Variants in EXOC4 observed in about 807,000 individuals in gnomAD.
EXOC4 encodes exocyst complex component 4, also known as SEC8-like 1.
In EXOC4, 71 loss-of-function variants were observed where a neutral mutation model predicts 107.2. The observed-to-expected ratio is 0.66, with a 90% CI of 0.55 to 0.81. The LOEUF (loss-of-function observed/expected upper bound fraction) is 0.81. EXOC4 is among the 30% of genes least tolerant of loss of function. The probability of loss-of-function intolerance (pLI) is 0.00; values close to 1 mark genes in which losing one functional copy is unlikely to be tolerated. For missense variants in EXOC4, 1,108 were observed against 1,189.6 expected (o/e 0.93, Z 1.01); for synonymous variants, 456 against 441.2 (o/e 1.03, Z -0.42).
intron 4 of EXOC4, among the ~76,000 whole-genome samples, chr7:133,312,234 T>C (rs1413697887): frequency 6.6e-6 from 1 of 152,186 alleles, no homozygotes; most frequent in Non-Finnish European, 1.5e-5. Flanking sequence ...TGTGCTGATA[T>C]AGAAAGGTTT....
chr7:133,790,118 A>G (rs889947706), intron 10 of EXOC4, among the ~76,000 whole-genome samples: 1 of 152,226 alleles, frequency 6.6e-6, no homozygotes, highest in Non-Finnish European at 1.5e-5. Context: ...CCCAGCAGAA[A>G]TAAGTCAGCC....
At chr7:133,302,093 T>C (rs1235251323) in intron 3 of EXOC4, among the ~76,000 whole-genome samples, 1 of 152,212 alleles carries the variant, frequency 6.6e-6, no homozygotes, top group Admixed American at 6.5e-5. Flanking sequence ...GCAAATTTTT[T>C]TGAATTCTTG....
chr7:133,281,333 A>G (rs1346510933), intron 2 of EXOC4, among the ~76,000 whole-genome samples: 6 of 150,764 alleles, frequency 4.0e-5, no homozygotes, highest in African/African-American at 1.2e-4. Flanking sequence ...AATAAAATAC[A>G]TAATAAAAAT....
chr7:133,801,661 A>G (rs1411840065), intron 10 of EXOC4, among the ~76,000 whole-genome samples: 2 of 152,204 alleles, frequency 1.3e-5, no homozygotes. Flanking sequence ...AGAGAAACCC[A>G]CATAGTCTAA....
At chr7:133,350,305 GGT>G (rs1563030244) in intron 5 of EXOC4, among the ~76,000 whole-genome samples, 1 of 151,932 alleles carries the variant, frequency 6.6e-6, no homozygotes, top group Non-Finnish European at 1.5e-5. Context: ...TATTGTTTTA[GGT>G]CTTACATTTA....
Position 133,663,544 on chromosome 7 carries a change from A to G in EXOC4, c.1514+33403A>G, listed in dbSNP as rs369508347. Among the ~76,000 whole-genome samples the G allele has an allele frequency of 2.2e-4, 33 of 152,232 alleles. No individual in the cohort carries two copies. The East Asian group carries it at 5.4e-3, about 25-fold the overall frequency. ...CTGAGATACCAATATTCCACACTCT[A>G]TGTTCAACACCTTCTTTCCCTTAGT... On this transcript the variant is annotated intron_variant, in intron 10 of 17. Coordinates refer to ENST00000253861, the MANE Select transcript of EXOC4 (RefSeq NM_021807.4).
At chr7:133,710,318 T>G (rs1269318602) in intron 10 of EXOC4, among the ~76,000 whole-genome samples, 2 of 152,140 alleles carry the variant, frequency 1.3e-5, no homozygotes, top group Non-Finnish European at 2.9e-5. Flanking sequence ...GAATGGGGAT[T>G]TCACTCAGTG....
At chr7:133,714,391 A>G (rs981299440) in intron 10 of EXOC4, among the ~76,000 whole-genome samples, 1 of 152,204 alleles carries the variant, frequency 6.6e-6, no homozygotes, top group Non-Finnish European at 1.5e-5. Context: ...TTAGCAAGTC[A>G]TCCCCATTTT....
At chr7:133,374,724 T>C (rs1037849676) in intron 6 of EXOC4, 104 bp from the exon 7 acceptor site, 2 of 901,796 alleles carry the variant, frequency 2.2e-6, no homozygotes, top group Admixed American at 2.2e-5. Flanking sequence ...GCTGTTTACA[T>C]TGTAGAATGC....
intron 9 of EXOC4, among the ~76,000 whole-genome samples, chr7:133,493,309 C>T (rs371321342): frequency 1.8e-4 from 28 of 152,208 alleles, no homozygotes; most frequent in South Asian, 6.2e-4. Context: ...TGGTGGCACA[C>T]GCCTCTAGTC....
chr7:133,574,743 T>A (rs1191171375), intron 9 of EXOC4, among the ~76,000 whole-genome samples: 1 of 152,210 alleles, frequency 6.6e-6, no homozygotes, highest in Non-Finnish European at 1.5e-5. Flanking sequence ...GCTACTCTCC[T>A]CTTCTTCTCT....
intron 9 of EXOC4, among the ~76,000 whole-genome samples, chr7:133,541,267 A>G (rs938641264): frequency 1.3e-5 from 2 of 152,146 alleles, no homozygotes; most frequent in Non-Finnish European, 2.9e-5. Flanking sequence ...CTGAGAACCT[A>G]TGCCCAAATG....
intron 9 of EXOC4, among the ~76,000 whole-genome samples, chr7:133,510,941 T>C (rs1175806976): frequency 6.6e-6 from 1 of 152,194 alleles, no homozygotes; most frequent in Admixed American, 6.5e-5. Flanking sequence ...CGGTACATAA[T>C]ATGCTCTTAT....
chr7:133,734,963 C>A (rs560772299), intron 10 of EXOC4, among the ~76,000 whole-genome samples: 8 of 149,726 alleles, frequency 5.3e-5, no homozygotes, highest in African/African-American at 1.7e-4. Context: ...GTAATCCCAG[C>A]ACTTTGGGAG....
intron 13 of EXOC4, among the ~76,000 whole-genome samples, chr7:133,920,307 G>T (rs1306721724): frequency 6.6e-6 from 1 of 152,136 alleles, no homozygotes; most frequent in East Asian, 1.9e-4. Flanking sequence ...ATTTTGCAAA[G>T]ATTTTCTCCC....
At chr7:133,675,801 G>C (rs1018194205) in intron 10 of EXOC4, among the ~76,000 whole-genome samples, 14 of 152,080 alleles carry the variant, frequency 9.2e-5, no homozygotes, top group Non-Finnish European at 1.6e-4. Flanking sequence ...TGGGTGGTTG[G>C]GAATTGTTCC....
Position 133,480,293 on chromosome 7 carries a change from C to T in EXOC4, c.1417+155C>T, listed in dbSNP as rs569847225. The T allele has an allele frequency of 3.4e-6, 5 of 1,463,532 alleles. No individual in the cohort carries two copies. In the African/African-American group the frequency reaches 5.6e-5, roughly 17 times the overall value. 90.7% of individuals were successfully genotyped at this position (1,463,532 alleles called of 1,614,324 possible). On this transcript the variant is annotated intron_variant, in intron 9 of 17. Transcript: ENST00000253861. ...TTCTTCTGTAATTTCCCAGCATCTG[C>T]TGCCAAGCAGGTAAAACTATTACTG...
At chr7:133,707,761 G>A (rs771612210) in intron 10 of EXOC4, among the ~76,000 whole-genome samples, 36 of 152,078 alleles carry the variant, frequency 2.4e-4, no homozygotes, top group South Asian at 1.5e-3. Flanking sequence ...GACTACAGGC[G>A]CACGCCACCA....
At chr7:133,910,949 T>C (rs7779370) in intron 12 of EXOC4, among the ~76,000 whole-genome samples, 71,100 of 151,946 alleles carry the variant, frequency 0.47, 17,964 homozygotes, top group African/African-American at 0.66. Context: ...CCATGCACAC[T>C]CGCACTTCCC....
Sources: gnomAD v4.1 joint callset for allele counts (sites outside exome capture counted in the v4.1 genomes callset) on GRCh38, gnomAD v4.1.1 for gene constraint, MANE v1.5 for transcripts, NCBI Gene and HGNC (gene_info 2026-07-23, HGNC 2026-07-21) for gene names.